The following CLASP2 variants were observed in gnomAD, a reference collection of about 807,000 sequenced individuals.
The protein encoded by CLASP2 is CLIP-associating protein 2.
In CLASP2, 47 loss-of-function variants were observed where a neutral mutation model predicts 194.4. The ratio of observed to expected loss-of-function variants is 0.24; its 90% CI spans 0.19 to 0.31. The LOEUF is 0.31. Among genes scored for constraint, CLASP2 ranks in the 10% least tolerant of loss-of-function variants. The pLI is 1.00. For missense variants in CLASP2, 1,445 were observed against 1,823.6 expected, an observed-to-expected ratio of 0.79 and a Z score of 3.78; for synonymous variants, 619 against 633.5, an observed-to-expected ratio of 0.98 and a Z score of 0.34.
chr3:33,674,150 GCACAA>G (rs2088003899), intron 6 of CLASP2, among the ~76,000 whole-genome samples: 1 of 152,178 alleles, frequency 6.6e-6, no homozygotes. Flanking sequence ...ATTCTTTTCA[GCACAA>G]CACAACACCT....
chr3:33,524,511 C>T (rs1434668384), intron 34 of CLASP2, among the ~76,000 whole-genome samples: 1 of 151,954 alleles, frequency 6.6e-6, no homozygotes, highest in Non-Finnish European at 1.5e-5. Flanking sequence ...ATTAGCCAGG[C>T]GTGGTGGCAT....
chr3:33,545,191 C>T (rs1342559309), intron 30 of CLASP2: 1 of 158,024 alleles, frequency 6.3e-6, no homozygotes, highest in Admixed American at 6.5e-5. Flanking sequence ...ATCTAATCTT[C>T]TCACAAGCAG....
chr3:33,596,774 G>C, intron 18 of CLASP2, 40 bp from the exon 19 acceptor site: 2 of 1,476,902 alleles, frequency 1.4e-6, no homozygotes, highest in Non-Finnish European at 1.8e-6. Context: ...GGAAAACTTA[G>C]TATATTAGAA....
At chr3:33,519,769 T>C (rs1361668077) in intron 34 of CLASP2, among the ~76,000 whole-genome samples, 2 of 152,196 alleles carry the variant, frequency 1.3e-5, no homozygotes, top group African/African-American at 4.8e-5. Flanking sequence ...GAATGTTTAC[T>C]CAACATAAAA....
intron 38 of CLASP2, among the ~76,000 whole-genome samples, chr3:33,499,496 C>G (rs1376504841): frequency 1.3e-5 from 2 of 151,910 alleles, no homozygotes; most frequent in African/African-American, 4.8e-5. Flanking sequence ...ACTACAGGCG[C>G]CTGTCACCAT....
chr3:33,710,804 A>G (rs1045538094), intron 1 of CLASP2, among the ~76,000 whole-genome samples: 3 of 152,032 alleles, frequency 2.0e-5, no homozygotes, highest in Admixed American at 6.6e-5. Context: ...GCATGGTGGC[A>G]TACACCTGTA....
intron 6 of CLASP2, among the ~76,000 whole-genome samples, chr3:33,670,423 T>C (rs2086944272): frequency 6.6e-6 from 1 of 152,192 alleles, no homozygotes; most frequent in Admixed American, 6.5e-5. Context: ...CCTAGCTGAA[T>C]AAACATTTAA....
At chr3:33,687,205 C>A in intron 4 of CLASP2, 70 bp from the exon 5 acceptor site, 1 of 923,638 alleles carries the variant, frequency 1.1e-6, no homozygotes, top group East Asian at 2.7e-5. Context: ...TATCCTTATA[C>A]CTTCTTGTCT....
chr3:33,548,763 C>CTTTT (rs57112524), intron 30 of CLASP2, among the ~76,000 whole-genome samples: 257 of 93,024 alleles, frequency 2.8e-3, no homozygotes, highest in African/African-American at 4.0e-3. Flanking sequence ...GGTTTCATTT[C>CTTTT]TTTTTTTTTT....
chr3:33,647,751 T>A (rs2082510490), intron 7 of CLASP2, among the ~76,000 whole-genome samples: 1 of 152,264 alleles, frequency 6.6e-6, no homozygotes, highest in East Asian at 1.9e-4. Context: ...GAAGAGTAAG[T>A]AGGCCGGGCG....
intron 37 of CLASP2, 128 bp from the exon 38 acceptor site, chr3:33,501,896 A>C (rs2046934843): frequency 3.1e-6 from 2 of 643,116 alleles, no homozygotes; most frequent in Non-Finnish European, 5.5e-6. Flanking sequence ...AGTGCAGATC[A>C]AAGTTAACTT....
At chr3:33,546,052 C>T (rs146217347) in intron 30 of CLASP2, among the ~76,000 whole-genome samples, 40 of 152,196 alleles carry the variant, frequency 2.6e-4, no homozygotes, top group East Asian at 2.1e-3. Flanking sequence ...ACAAAAGTTA[C>T]GATCTCATAC....
At chr3:33,510,426 G>A in intron 37 of CLASP2, 132 bp downstream of exon 37, 1 of 796,814 alleles carries the variant, frequency 1.3e-6, no homozygotes. Flanking sequence ...GTTATGAAAA[G>A]TCTTTGTCCT....
In CLASP2 at chr3:33,534,955, T is replaced by C. The variant is rs1407090764; in HGVS notation, c.3787+278A>G. On this transcript the variant is annotated intron_variant, in intron 34 of 38. Transcript: ENST00000682230. ...AAATAAATTGTGTCTAGAGGTAAAG[T>C]AAATTTATAAGCTACAATTGGTTTT... Among the ~76,000 whole-genome samples, 3 of 152,198 alleles carry C rather than the reference T, an allele frequency of 2.0e-5. No homozygotes were observed. In the East Asian group the frequency reaches 5.8e-4, roughly 29 times the overall value.
chr3:33,570,963 C>T (rs1353669681), intron 25 of CLASP2, among the ~76,000 whole-genome samples, 173 bp from the exon 26 acceptor site: 5 of 149,598 alleles, frequency 3.3e-5, no homozygotes, highest in South Asian at 2.1e-4. Context: ...CTCGCTTGAG[C>T]CCAGGAGTTC....
At chr3:33,522,010 T>C (rs190799647) in intron 34 of CLASP2, among the ~76,000 whole-genome samples, 25 of 151,966 alleles carry the variant, frequency 1.6e-4, no homozygotes, top group African/African-American at 6.0e-4. Flanking sequence ...ACCTGTGCAC[T>C]GTTGACTGCT....
chr3:33,606,736 G>A lies in CLASP2; in HGVS notation c.1549C>T (p.His517Tyr). 1 of 1,611,914 alleles carries A rather than the reference G, an allele frequency of 6.2e-7. No homozygotes were observed. Among genetic ancestry groups the A allele is most frequent in the Non-Finnish European group, 8.5e-7 (1 of 1,178,902 alleles). ...AATGTTTCAGCTTCACCAGGAAAGT[G>A]GTTTCTAAGACCCATGTATGTCCTG... is the stretch of plus-strand genomic sequence containing the variant. ...ARKTYMGLRN[H>Y]FPGEAETLYN... The change falls in exon 16 of 39, where the codon CAC (histidine) becomes TAC (tyrosine). Residue 517 changes from histidine (H) to tyrosine (Y), a missense_variant. His to Tyr is a moderately conservative substitution (Grantham distance 83). Around this residue, in one of 4 missense-constraint regions of CLASP2, gnomAD observed 207 missense variants for 331.4 expected, o/e 0.62. Transcript: ENST00000682230.
chr3:33,604,989 A>C (rs2073416028), intron 16 of CLASP2, among the ~76,000 whole-genome samples: 1 of 152,226 alleles, frequency 6.6e-6, no homozygotes. Context: ...ACATCACATT[A>C]TTTTTATAAG....
chr3:33,614,976 TAAC>T (rs768562983), intron 12 of CLASP2, among the ~76,000 whole-genome samples: 5 of 151,924 alleles, frequency 3.3e-5, no homozygotes, highest in South Asian at 2.1e-4. Context: ...CGAGACTCCA[TAAC>T]AACAACAACA....
Sources: allele counts gnomAD v4.1 joint callset (sites outside exome capture counted in the v4.1 genomes callset), GRCh38; gene constraint gnomAD v4.1.1; regional missense constraint gnomAD v4.1.1; transcripts MANE v1.5; gene names NCBI Gene and HGNC (gene_info 2026-07-23, HGNC 2026-07-21).